SYNPR: variants seen among roughly 807,000 people sequenced by gnomAD.
SYNPR encodes the protein synaptoporin.
SYNPR carries 23 observed loss-of-function variants against 32.9 expected under a neutral mutation model. The ratio of observed to expected loss-of-function variants is 0.70; its 90% CI spans 0.50 to 0.99. SYNPR has a LOEUF of 0.99. Among genes scored for constraint, SYNPR ranks in the 50% least tolerant of loss-of-function variants. SYNPR has a pLI of 0.00. For synonymous variants in SYNPR, 146 were observed against 135.9 expected (o/e 1.07, Z -0.52); for missense variants, 318 against 349.3 (o/e 0.91, Z 0.71).
the SYNPR span, among the ~76,000 whole-genome samples, chr3:63,222,660 G>A: frequency 7.9e-5 from 12 of 152,216 alleles, no homozygotes; most frequent in Admixed American, 6.5e-4. Context: ...GGGATTACAG[G>A]TGTGTGCCAC....
chr3:63,464,491 A>G (rs946067094), intron 2 of SYNPR, among the ~76,000 whole-genome samples: 2 of 152,076 alleles, frequency 1.3e-5, no homozygotes, highest in Non-Finnish European at 2.9e-5. Context: ...CAAATACCTA[A>G]TCTTCACATC....
intron 2 of SYNPR, among the ~76,000 whole-genome samples, chr3:63,300,159 G>A (rs759767512): frequency 2.2e-4 from 33 of 152,058 alleles, no homozygotes; most frequent in African/African-American, 6.3e-4. Context: ...AGAAGTTGGC[G>A]AGGGTGAAAA....
chr3:63,550,651 T>C (rs997745423), intron 3 of SYNPR, among the ~76,000 whole-genome samples: 1 of 152,196 alleles, frequency 6.6e-6, no homozygotes, highest in Non-Finnish European at 1.5e-5. Flanking sequence ...ATTGCAGACC[T>C]AGTTTGTGCA....
intron 4 of SYNPR, among the ~76,000 whole-genome samples, chr3:63,567,735 A>C (rs1702816219): frequency 6.6e-6 from 1 of 152,212 alleles, no homozygotes; most frequent in South Asian, 2.1e-4. Flanking sequence ...AACAGGTAGG[A>C]AGAGATAGCA....
rs187841129 is a variant in SYNPR at position 63,549,810 on chromosome 3, T to G, written c.210-6733T>G. On this transcript the variant is annotated intron_variant, in intron 3 of 5. Transcript: ENST00000478300. ...AGTGAAATGTTTTAAATGACTCCAT[T>G]TAAACATTGGTACATATTTTTTTTT... Among the ~76,000 whole-genome samples, 260 of 152,280 alleles carry G rather than the reference T, an allele frequency of 1.7e-3. 1 individual carries two copies. Among genetic ancestry groups the G allele is most frequent in the Middle Eastern group, 0.017 (5 of 294 alleles).
the SYNPR span, among the ~76,000 whole-genome samples, chr3:63,203,650 G>A: frequency 2.6e-5 from 4 of 152,268 alleles, no homozygotes; most frequent in East Asian, 1.9e-4. Context: ...CTTTTCTAAA[G>A]GTGAATCTGA....
rs554501329 is a variant in SYNPR, at chr3:63,242,491, C to T, written n.67-10008C>T. Among the ~76,000 whole-genome samples the T allele has an allele frequency of 3.3e-5, 5 of 152,108 alleles. No homozygotes were observed. In the South Asian group the frequency reaches 1.0e-3, roughly 31 times the overall value. ...ATTAACCTTGGAAATGTGAACCCAT[C>T]ACTATGTGAATGAACAGGTGTGAAT... On this transcript the variant is annotated intron_variant and non_coding_transcript_variant, in intron 1 of 4. Transcript: ENST00000478456.
intron 4 of SYNPR, among the ~76,000 whole-genome samples, chr3:63,573,564 A>C (rs994948695): frequency 1.3e-5 from 2 of 152,182 alleles, no homozygotes; most frequent in Admixed American, 6.6e-5. Context: ...CTTTGAAGTC[A>C]TCATCACTTT....
At chr3:63,274,474 G>T, upstream of SYNPR, among the ~76,000 whole-genome samples, 1 of 152,162 alleles carries the variant, frequency 6.6e-6, no homozygotes, top group East Asian at 1.9e-4. Context: ...TTGGTACTTT[G>T]GTTTGTATAG....
At chr3:63,546,541 T>C (rs543297942) in intron 3 of SYNPR, among the ~76,000 whole-genome samples, 1 of 152,242 alleles carries the variant, frequency 6.6e-6, no homozygotes, top group Admixed American at 6.5e-5. Context: ...CATGTCTGAG[T>C]ACAATTATTA....
In SYNPR at chr3:63,494,887, A is replaced by C. The variant is rs147006752; in HGVS notation, c.209+13931A>C. On this transcript the variant is annotated intron_variant, in intron 3 of 5. Transcript: ENST00000478300. ...TTGACAAGTCCCCACAATTGCAGAG[A>C]CTTCCTCCTCATTCCTACATTTATA... is the stretch of plus-strand genomic sequence containing the variant. Among the ~76,000 whole-genome samples, 87 of 152,200 alleles carry C rather than the reference A, an allele frequency of 5.7e-4. No homozygotes were observed. The East Asian group carries it at 0.014, about 24-fold the overall frequency.
At position 63,391,371 on chromosome 3, in the gene SYNPR, T is replaced by A. The variant is rs562848073; in HGVS notation, c.85-89461T>A. Among the ~76,000 whole-genome samples, 11 of 152,312 alleles carry A rather than the reference T, an allele frequency of 7.2e-5. No homozygotes were observed. In the South Asian group the frequency reaches 2.3e-3, roughly 32 times the overall value. On this transcript the variant is annotated intron_variant, in intron 2 of 5. Coordinates refer to ENST00000478300, the MANE Select transcript of SYNPR (RefSeq NM_001130003.2). ...TCGTATCTTAGTCAAGTAATGGGCA[T>A]CCACTGAGCATCAACTTTGTGCCTT...
At chr3:63,393,496 C>CTTTTTTTTTTTTTTTTTTTTTTTTT (rs71631152) in intron 2 of SYNPR, among the ~76,000 whole-genome samples, 5 of 84,508 alleles carry the variant, frequency 5.9e-5, no homozygotes, top group South Asian at 4.4e-4. Context: ...TCTTTCTTCT[C>CTTTTTTTTTTTTTTTTTTTTTTTTT]TTTTTTTTTT....
In SYNPR at chr3:63,309,737, T is replaced by TG. The variant is rs2086944038; in HGVS notation, c.84+30996dup. Among the ~76,000 whole-genome samples the TG allele has an allele frequency of 3.3e-5, 5 of 151,910 alleles. No individual in the cohort carries two copies. In the South Asian group the frequency reaches 1.0e-3, roughly 31 times the overall value. ...CCTAGACACGGGCAGCCTTCTCACA[T>TG]GCATGTGCTGACCACTCCTATGCTG... On this transcript the variant is annotated intron_variant, in intron 2 of 5. Coordinates refer to ENST00000478300, the MANE Select transcript of SYNPR (RefSeq NM_001130003.2).
intron 2 of SYNPR, among the ~76,000 whole-genome samples, chr3:63,257,056 A>T (rs1009820727): frequency 4.6e-5 from 7 of 152,186 alleles, no homozygotes; most frequent in African/African-American, 1.7e-4. Context: ...GCCTCCAAGA[A>T]ATATGGGACT....
intron 4 of SYNPR, among the ~76,000 whole-genome samples, chr3:63,594,710 G>A (rs937991334): frequency 9.9e-5 from 15 of 152,080 alleles, no homozygotes; most frequent in African/African-American, 3.6e-4. Flanking sequence ...AGTGTTGGCA[G>A]CTCTCATCAT....
chr3:63,204,982 C>T, the SYNPR span, among the ~76,000 whole-genome samples: 1 of 152,164 alleles, frequency 6.6e-6, no homozygotes, highest in Non-Finnish European at 1.5e-5. Flanking sequence ...GCCACTACGC[C>T]CAGCCAGAGT....
chr3:63,417,358 T>C (rs959599713), intron 2 of SYNPR, among the ~76,000 whole-genome samples: 1 of 152,252 alleles, frequency 6.6e-6, no homozygotes, highest in Admixed American at 6.5e-5. Context: ...CCTGTGGCTT[T>C]GCAGGGTGCA....
At chr3:63,254,842 G>C (rs1352245926) in intron 2 of SYNPR, among the ~76,000 whole-genome samples, 4 of 152,136 alleles carry the variant, frequency 2.6e-5, no homozygotes. Flanking sequence ...AAAGCATTAG[G>C]GTGGGCCCTA....
Sources: allele counts gnomAD v4.1 joint callset (sites outside exome capture counted in the v4.1 genomes callset), GRCh38; gene constraint gnomAD v4.1.1; transcripts MANE v1.5; gene names NCBI Gene and HGNC (gene_info 2026-07-23, HGNC 2026-07-21).